The following CLUL1 variants were observed in gnomAD, a reference collection of about 807,000 sequenced individuals.
CLUL1 encodes clusterin-like protein 1.
CLUL1 carries 43 observed loss-of-function variants against 49.4 expected under a neutral mutation model. The ratio of observed to expected loss-of-function variants is 0.87; its 90% CI spans 0.68 to 1.12. CLUL1 has a LOEUF of 1.12. CLUL1 is among the 50% of genes most tolerant of loss of function. The pLI, the probability that CLUL1 is intolerant of heterozygous loss-of-function variation, is 0.00. For missense variants in CLUL1, 486 were observed against 544.4 expected (o/e 0.89, Z 1.07); for synonymous variants, 192 against 184.9 (o/e 1.04, Z -0.31).
intron 4 of CLUL1, among the ~76,000 whole-genome samples, chr18:620,165 C>T (rs1046840213): frequency 1.1e-4 from 16 of 152,242 alleles, no homozygotes; most frequent in South Asian, 6.2e-4. Context: ...TCATCATTAG[C>T]GAGTGTGGAT....
At chr18:597,229 C>G (rs995719097) in intron 1 of CLUL1, 100 bp downstream of exon 1, 1 of 152,734 alleles carries the variant, frequency 6.5e-6, no homozygotes, top group African/African-American at 2.4e-5. Context: ...GGCCGAGCTC[C>G]GCAGACGCCC....
intron 9 of CLUL1, among the ~76,000 whole-genome samples, chr18:649,007 T>C (rs1275810729): frequency 1.3e-5 from 2 of 152,166 alleles, no homozygotes; most frequent in Non-Finnish European, 2.9e-5. Flanking sequence ...TTTTATCTTA[T>C]TGTTATAATT....
rs1372695531 is a variant in CLUL1, at chr18:645,836, T to A, written c.1397+739T>A. On this transcript the variant is annotated intron_variant, in intron 9 of 9. Coordinates refer to ENST00000692774, the MANE Select transcript of CLUL1 (RefSeq NM_001393344.1). ...ATATATATATATATATATATATATA[T>A]ATATATATATATATATGTTAAACAT... 6.7e-3 allele frequency among the ~76,000 whole-genome samples: 733 copies of A among 108,864 alleles called. 86 individuals are homozygous for A. Among genetic ancestry groups the A allele is most frequent in the African/African-American group, 0.023 (579 of 25,412 alleles). 71.4% of individuals were successfully genotyped at this position (108,864 alleles called of 152,430 possible).
intron 2 of CLUL1, among the ~76,000 whole-genome samples, chr18:610,729 A>ACTCTGTT (rs2073109941): frequency 1.3e-5 from 2 of 152,292 alleles, no homozygotes; most frequent in East Asian, 3.9e-4. Context: ...GACACTCAGC[A>ACTCTGTT]AATACCGTAA....
chr18:639,471 C>G (rs550867501), intron 7 of CLUL1, among the ~76,000 whole-genome samples: 1 of 128,194 alleles, frequency 7.8e-6, no homozygotes, highest in Non-Finnish European at 1.6e-5. Flanking sequence ...AAACATGAAA[C>G]GGGCACATGT....
At chr18:602,428 G>A (rs2143920383) in intron 1 of CLUL1, among the ~76,000 whole-genome samples, 1 of 152,220 alleles carries the variant, frequency 6.6e-6, no homozygotes, top group African/African-American at 2.4e-5. Context: ...CCAATGGGAG[G>A]CATCATTTTG....
At chr18:605,376 T>G (rs1416629127) in intron 1 of CLUL1, among the ~76,000 whole-genome samples, 1 of 152,022 alleles carries the variant, frequency 6.6e-6, no homozygotes, top group Non-Finnish European at 1.5e-5. Context: ...GCCTGTAATC[T>G]CCGCACTTTG....
At chr18:641,954 G>C (rs2074356240) in intron 8 of CLUL1, among the ~76,000 whole-genome samples, 1 of 152,160 alleles carries the variant, frequency 6.6e-6, no homozygotes, top group Non-Finnish European at 1.5e-5. Context: ...CTAGGCCTCA[G>C]TGTTCCACCT....
intron 1 of CLUL1, among the ~76,000 whole-genome samples, chr18:598,806 C>T (rs558900736): frequency 2.0e-4 from 31 of 151,762 alleles, no homozygotes; most frequent in Middle Eastern, 6.8e-3. Flanking sequence ...TTCCTTTTTC[C>T]GGACTTAAAA....
At chr18:624,607 T>C (rs1292154542) in intron 4 of CLUL1, among the ~76,000 whole-genome samples, 7 of 152,180 alleles carry the variant, frequency 4.6e-5, no homozygotes, top group Non-Finnish European at 8.8e-5. Flanking sequence ...GTCTGTCACA[T>C]AGCAAACACT....
intron 2 of CLUL1, among the ~76,000 whole-genome samples, chr18:612,608 TCTC>T (rs1462826504): frequency 2.0e-5 from 3 of 152,192 alleles, no homozygotes; most frequent in African/African-American, 4.8e-5. Context: ...GTATCAGAAG[TCTC>T]CTCCTCAAAG....
chr18:639,404 C>A (rs1458900239), intron 7 of CLUL1, among the ~76,000 whole-genome samples: 10 of 141,042 alleles, frequency 7.1e-5, no homozygotes, highest in Admixed American at 6.2e-4. Flanking sequence ...GCACTCCAGC[C>A]TGGGTGACAG....
rs200920629 is a variant in CLUL1, at chr18:627,103, C to T, written c.430C>T (p.Arg144Trp). 5.2e-5 allele frequency: 83 copies of T among 1,605,050 alleles called. No individual in the cohort carries two copies. The highest frequency in any genetic ancestry group is 3.5e-4 in the African/African-American group (26 of 74,374). The change falls in exon 6 of 10, where the codon CGG (arginine) becomes TGG (tryptophan). Residue 144 changes from arginine (R) to tryptophan (W), a missense_variant. By Grantham distance (101) the Arg-to-Trp change is moderately radical. Coordinates refer to ENST00000692774, the MANE Select transcript of CLUL1 (RefSeq NM_001393344.1). ...SWSSVKNKIE[R>W]FFRKIYQFLF... ...CCCCTACTCTACTCCACAGATTGAA[C>T]GGTTTTTCAGGAAGATATATCAATT...
In CLUL1 at chr18:625,004, A is replaced by C. The variant is rs368036645; in HGVS notation, c.395A>C (p.Gln132Pro). The C allele has an allele frequency of 2.5e-5, 40 of 1,614,196 alleles. No individual in the cohort carries two copies. The African/African-American group carries it at 5.1e-4, about 20-fold the overall frequency. Residue 132 changes from glutamine (Q) to proline (P), a missense_variant, in exon 5 of 10, where the codon CAA becomes CCA. Physicochemically the swap from Gln to Pro is moderately conservative, Grantham distance 76. Transcript: ENST00000692774. ...NNCMRIYTTC[Q>P]PSWSSVKNKI... Reference sequence around the variant, plus strand: ...TGCATGAGAATTTATACAACCTGCCAACCTAGCTGGTCCTCTGTGAAAAAT... The same window carrying C: ...TGCATGAGAATTTATACAACCTGCCCACCTAGCTGGTCCTCTGTGAAAAAT...
At chr18:601,740 C>T (rs1047670496) in intron 1 of CLUL1, among the ~76,000 whole-genome samples, 9 of 151,908 alleles carry the variant, frequency 5.9e-5, no homozygotes, top group African/African-American at 1.2e-4. Context: ...ACCCAGGAGA[C>T]GGAGGTTGCA....
chr18:645,374 G>A, intron 9 of CLUL1: 1 of 273,208 alleles, frequency 3.7e-6, no homozygotes, highest in South Asian at 1.5e-4. Context: ...ATTTGATTAT[G>A]CATATGAAGA....
Position 618,012 on chromosome 18 carries a change from A to G in CLUL1, c.12A>G (p.Pro4=), listed in dbSNP as rs573838333. 137 of 1,613,940 alleles carry G rather than the reference A, an allele frequency of 8.5e-5. 1 individual carries two copies. Among genetic ancestry groups the G allele is most frequent in the Middle Eastern group, 6.6e-4 (4 of 6,062 alleles). The change falls in exon 3 of 10, where the codon CCA becomes CCG. Residue 4 remains proline, a synonymous_variant. Coordinates refer to ENST00000692774, the MANE Select transcript of CLUL1 (RefSeq NM_001393344.1). This position sits in a 1 kb window ranked among gnomAD's most constrained non-coding sequence, Gnocchi z 4.2. ...GTAACAGCGGGAACATGAAGCCGCC[A>G]CTCTTGGTGTTTATTGTGTGTCTGC... MKP[P]LLVFIVCLLW...
chr18:626,514 T>G (rs1373943762), intron 5 of CLUL1, among the ~76,000 whole-genome samples: 1 of 152,006 alleles, frequency 6.6e-6, no homozygotes, highest in Non-Finnish European at 1.5e-5. Context: ...TGCCCAGAAT[T>G]ATTCTTGATT....
intron 8 of CLUL1, among the ~76,000 whole-genome samples, chr18:642,307 T>C (rs11081229): frequency 0.44 from 66,985 of 151,770 alleles, 16,085 homozygotes; most frequent in East Asian, 0.69. Context: ...TGGCACACAC[T>C]TGTAATCCCA....
Sources: allele counts gnomAD v4.1 joint callset (sites outside exome capture counted in the v4.1 genomes callset), GRCh38; gene constraint gnomAD v4.1.1; non-coding constraint Gnocchi (gnomAD v3.1); transcripts MANE v1.5; gene names NCBI Gene and HGNC (gene_info 2026-07-23, HGNC 2026-07-21).